Variants in MYRIP observed in about 807,000 individuals in gnomAD.
The protein encoded by MYRIP is rab effector MyRIP.
MYRIP carries 49 observed loss-of-function variants against 98.0 expected under a neutral mutation model. That is an observed-to-expected ratio of 0.50 (90% CI 0.40 to 0.63). The LOEUF is 0.63. Among genes scored for constraint, MYRIP ranks in the 30% least tolerant of loss-of-function variants. The pLI, the probability that MYRIP is intolerant of heterozygous loss-of-function variation, is 0.00. For missense variants in MYRIP, 1,004 were observed against 1,058.2 expected, an observed-to-expected ratio of 0.95 and a Z score of 0.71; for synonymous variants, 404 against 409.5, an observed-to-expected ratio of 0.99 and a Z score of 0.16.
At chr3:40,180,130 G>T (rs903117615) in intron 8 of MYRIP, among the ~76,000 whole-genome samples, 2 of 152,202 alleles carry the variant, frequency 1.3e-5, no homozygotes, top group Non-Finnish European at 2.9e-5. Flanking sequence ...GAATGAAGGA[G>T]ATGACACTCA....
chr3:39,962,158 G>A (rs143862484), intron 2 of MYRIP, among the ~76,000 whole-genome samples: 6 of 152,206 alleles, frequency 3.9e-5, no homozygotes, highest in Non-Finnish European at 8.8e-5. Flanking sequence ...GAGCCTGTTT[G>A]CCCATCTATA....
intron 3 of MYRIP, among the ~76,000 whole-genome samples, chr3:40,093,651 A>G (rs548924502): frequency 1.9e-4 from 29 of 152,344 alleles, no homozygotes; most frequent in Admixed American, 1.7e-3. Context: ...CTGGGATAGC[A>G]GTGCACTTTA....
intron 11 of MYRIP, among the ~76,000 whole-genome samples, chr3:40,215,853 T>A (rs1412672131): frequency 6.6e-6 from 1 of 152,198 alleles, no homozygotes; most frequent in Non-Finnish European, 1.5e-5. Flanking sequence ...AACACCTCTT[T>A]CCCAACTGTC....
intron 13 of MYRIP, among the ~76,000 whole-genome samples, chr3:40,245,629 A>C (rs570614700): frequency 1.4e-3 from 182 of 131,610 alleles, no homozygotes; most frequent in Middle Eastern, 5.2e-3. Context: ...AGCCTGGGGC[A>C]ACAGAGTGAG....
chr3:40,058,325 A>G (rs4392359), intron 3 of MYRIP, among the ~76,000 whole-genome samples: 25,083 of 152,110 alleles, frequency 0.16, 1,989 homozygotes, highest in East Asian at 0.2. Context: ...TTAAGTGTGT[A>G]TTACTTTAAG....
intron 11 of MYRIP, among the ~76,000 whole-genome samples, chr3:40,230,474 G>A (rs904599913): frequency 1.3e-5 from 2 of 152,198 alleles, no homozygotes; most frequent in Admixed American, 6.5e-5. Flanking sequence ...GACTGGACAG[G>A]GAACAGGACA....
intron 3 of MYRIP, among the ~76,000 whole-genome samples, chr3:40,087,388 G>C (rs898452881): frequency 6.6e-6 from 1 of 152,172 alleles, no homozygotes; most frequent in African/African-American, 2.4e-5. Context: ...TGCTGCTGTT[G>C]TTATTGTTAT....
At chr3:39,852,936 A>G (rs1330108324) in intron 1 of MYRIP, among the ~76,000 whole-genome samples, 2 of 152,104 alleles carry the variant, frequency 1.3e-5, no homozygotes, top group African/African-American at 4.8e-5. Context: ...ATGCGCCACC[A>G]CACCTGGCTA....
intron 11 of MYRIP, among the ~76,000 whole-genome samples, chr3:40,230,258 G>A (rs528473265): frequency 7.9e-5 from 12 of 152,266 alleles, no homozygotes; most frequent in South Asian, 6.2e-4. Context: ...CTCTCAACTC[G>A]TGCTTTGTGC....
chr3:39,860,091 T>G (rs570269376), intron 1 of MYRIP, among the ~76,000 whole-genome samples: 1 of 152,346 alleles, frequency 6.6e-6, no homozygotes, highest in Admixed American at 6.5e-5. Context: ...CATGATCTTA[T>G]GTATAGAAAA....
chr3:40,013,769 G>A (rs907373189), intron 2 of MYRIP, among the ~76,000 whole-genome samples: 3 of 152,192 alleles, frequency 2.0e-5, no homozygotes, highest in Non-Finnish European at 2.9e-5. Flanking sequence ...CAACTAAATG[G>A]AATCAGCATC....
chr3:39,893,073 T>G (rs2125661768), intron 1 of MYRIP, among the ~76,000 whole-genome samples: 1 of 152,308 alleles, frequency 6.6e-6, no homozygotes, highest in African/African-American at 2.4e-5. Flanking sequence ...GCCTTATAAA[T>G]AAAACCCAAA....
chr3:40,239,064 C>A lies in MYRIP; in HGVS notation c.2100+5011C>A, dbSNP rs11129871. 4.0e-5 allele frequency among the ~76,000 whole-genome samples: 5 copies of A among 126,190 alleles called. No homozygotes were observed. The East Asian group carries it at 1.1e-3, about 27-fold the overall frequency. 82.8% of individuals were successfully genotyped at this position (126,190 alleles called of 152,430 possible). A position where few individuals can be genotyped will look rare whatever the true frequency, so the allele number is the denominator to read the frequency against. ...CAATGCTATCCCTCCCCCCTCCCCC[C>A]ACCCCACAACAGTCCTCAGAGTGTG... On this transcript the variant is annotated intron_variant, in intron 12 of 16. Transcript: ENST00000302541.
chr3:40,217,457 G>T (rs1559459635), intron 11 of MYRIP, among the ~76,000 whole-genome samples: 1 of 152,008 alleles, frequency 6.6e-6, no homozygotes, highest in Non-Finnish European at 1.5e-5. Context: ...TATATTTACA[G>T]GCTAAAGGAA....
At chr3:39,896,663 T>C (rs1480663171) in intron 1 of MYRIP, among the ~76,000 whole-genome samples, 2 of 152,178 alleles carry the variant, frequency 1.3e-5, no homozygotes, top group African/African-American at 4.8e-5. Context: ...CTTAGGAATT[T>C]ATAGTTTTAT....
chr3:39,932,358 C>T (rs1405858640), intron 2 of MYRIP, among the ~76,000 whole-genome samples: 1 of 150,890 alleles, frequency 6.6e-6, no homozygotes, highest in African/African-American at 2.5e-5. Context: ...CCTGCACCCA[C>T]AAAATGAGTC....
chr3:40,147,230 T>C (rs893962897), intron 3 of MYRIP, among the ~76,000 whole-genome samples: 4 of 152,158 alleles, frequency 2.6e-5, no homozygotes, highest in African/African-American at 9.7e-5. Flanking sequence ...TCTATGACTT[T>C]AACTAGCATA....
intron 1 of MYRIP, among the ~76,000 whole-genome samples, chr3:39,823,430 C>T (rs1475731044): frequency 2.0e-5 from 3 of 152,176 alleles, no homozygotes; most frequent in Non-Finnish European, 4.4e-5. Context: ...AACCTCCATA[C>T]TGTTCTCCAT....
At chr3:39,867,299 CAA>C (rs1381995114) in intron 1 of MYRIP, among the ~76,000 whole-genome samples, 1 of 151,708 alleles carries the variant, frequency 6.6e-6, no homozygotes, top group Admixed American at 6.6e-5. Context: ...GCACAAGCAA[CAA>C]AAAAATAAAC....
Sources: gnomAD v4.1 joint callset for allele counts (sites outside exome capture counted in the v4.1 genomes callset) on GRCh38, gnomAD v4.1.1 for gene constraint, MANE v1.5 for transcripts, NCBI Gene and HGNC (gene_info 2026-07-23, HGNC 2026-07-21) for gene names.